Variants in GUCY1A2 observed in about 807,000 individuals in gnomAD.
GUCY1A2 encodes the protein guanylate cyclase soluble subunit alpha-2.
A neutral mutation model predicts 63.5 loss-of-function variants in GUCY1A2; 27 were observed. The ratio of observed to expected loss-of-function variants is 0.43; its 90% CI spans 0.31 to 0.59. The LOEUF (loss-of-function observed/expected upper bound fraction) is 0.59. Among genes scored for constraint, GUCY1A2 ranks in the 20% least tolerant of loss-of-function variants. The probability of loss-of-function intolerance (pLI) is 0.11; values close to 1 mark genes in which losing one functional copy is unlikely to be tolerated. For missense variants in GUCY1A2, 768 were observed against 913.3 expected, an observed-to-expected ratio of 0.84 and a Z score of 2.05; for synonymous variants, 364 against 343.5, an observed-to-expected ratio of 1.06 and a Z score of -0.66.
intron 4 of GUCY1A2, among the ~76,000 whole-genome samples, chr11:106,832,032 TAATTA>T: frequency 6.6e-6 from 1 of 152,324 alleles, no homozygotes; most frequent in African/African-American, 2.4e-5. Flanking sequence ...TGCCATAAAT[TAATTA>T]AAGGCAAGTC....
At chr11:107,000,202 AATAAGTT>A (rs1861594885) in intron 1 of GUCY1A2, among the ~76,000 whole-genome samples, 1 of 152,228 alleles carries the variant, frequency 6.6e-6, no homozygotes, top group African/African-American at 2.4e-5. Flanking sequence ...TTACAATGGC[AATAAGTT>A]AACACAGAAA....
chr11:106,770,390 A>G (rs1447322988), intron 6 of GUCY1A2, among the ~76,000 whole-genome samples: 1 of 152,148 alleles, frequency 6.6e-6, no homozygotes, highest in African/African-American at 2.4e-5. Context: ...TTTGACCCAC[A>G]GTTGGCTGAA....
At chr11:106,799,015 C>A (rs9735012) in intron 5 of GUCY1A2, among the ~76,000 whole-genome samples, 3,169 of 152,256 alleles carry the variant, frequency 0.021, 126 homozygotes, top group East Asian at 0.15. Flanking sequence ...TAGAAAACCC[C>A]ATTGTCTCAG....
chr11:106,827,138 G>A (rs2135434136), intron 4 of GUCY1A2: 2 of 1,479,120 alleles, frequency 1.4e-6, no homozygotes, highest in Non-Finnish European at 9.5e-7. Flanking sequence ...TGAATCTTAT[G>A]AGAAAACTCT....
At chr11:106,843,853 GA>G (rs1859234211) in intron 4 of GUCY1A2, among the ~76,000 whole-genome samples, 1 of 151,550 alleles carries the variant, frequency 6.6e-6, no homozygotes, top group Admixed American at 6.6e-5. Flanking sequence ...ACATTACTTC[GA>G]AAATTGTGAG....
chr11:106,842,393 C>T (rs1859211307), intron 4 of GUCY1A2, among the ~76,000 whole-genome samples: 1 of 151,880 alleles, frequency 6.6e-6, no homozygotes, highest in African/African-American at 2.4e-5. Context: ...ACATAAAGGC[C>T]ACTATGTAGT....
chr11:106,687,605 T>A lies in GUCY1A2; in HGVS notation c.2143A>T (p.Ile715Leu), dbSNP rs989712281. The change falls in exon 8 of 8, where the codon ATA becomes TTA. Residue 715 changes from isoleucine to leucine, a missense_variant. Ile to Leu is a conservative substitution (Grantham distance 5). Transcript: ENST00000526355. The stretch of plus-strand genomic sequence containing the variant: ...CCGATGTTGTAGGAAACCTTTTTTA[T>A]TCTCGACGAAGAAAGAGAAGGCTTT... ...PPKPSLSSSRIKKVSYNIGTM... is the reference protein window; with the variant it reads ...PPKPSLSSSRLKKVSYNIGTM... 2.5e-6 allele frequency: 4 copies of A among 1,613,926 alleles called. No individual in the cohort carries two copies. The African/African-American group carries it at 5.3e-5, about 22-fold the overall frequency.
intron 4 of GUCY1A2, among the ~76,000 whole-genome samples, chr11:106,926,380 G>T (rs1407722890): frequency 5.3e-5 from 8 of 150,684 alleles, no homozygotes; most frequent in African/African-American, 2.0e-4. Flanking sequence ...ATAGGCTGAA[G>T]TAAGCCAGGA....
rs573123185 is a variant in GUCY1A2 at position 106,687,686 on chromosome 11, T to C, written c.2062A>G (p.Lys688Glu). The C allele has an allele frequency of 3.6e-5, 58 of 1,613,248 alleles. No individual in the cohort carries two copies. In the South Asian group the frequency reaches 5.2e-4, roughly 14 times the overall value. The change falls in exon 8 of 8, where the codon AAG (lysine) becomes GAG (glutamate). Residue 688 changes from lysine to glutamate, a missense_variant. By Grantham distance (56) the Lys-to-Glu change is moderately conservative. Coordinates refer to ENST00000526355, the MANE Select transcript of GUCY1A2 (RefSeq NM_000855.3). ...AAATAGCAGATCCCAGGAATTTCCTTTGGAAAGTTGTCTGGAAGCTCTTCA... is the reference window on the plus strand; with the variant it reads ...AAATAGCAGATCCCAGGAATTTCCTCTGGAAAGTTGTCTGGAAGCTCTTCA... Reference protein sequence around the residue: ...SREELPDNFPKEIPGICYFLE... With the variant: ...SREELPDNFPEEIPGICYFLE...
intron 5 of GUCY1A2, among the ~76,000 whole-genome samples, chr11:106,808,270 G>GTA (rs1215493242): frequency 4.0e-4 from 61 of 150,902 alleles, no homozygotes; most frequent in Non-Finnish European, 6.5e-4. Context: ...ATGTGTGTGT[G>GTA]TATATATATA....
chr11:106,797,839 A>G (rs1437815122), intron 5 of GUCY1A2, among the ~76,000 whole-genome samples: 2 of 152,076 alleles, frequency 1.3e-5, no homozygotes, highest in Non-Finnish European at 2.9e-5. Context: ...TTGACACCCT[A>G]CATCACAATG....
rs1862532091 is a variant in GUCY1A2 at position 106,686,705 on chromosome 11, G to T, written c.*844C>A. On this transcript the variant is annotated 3_prime_UTR_variant, in exon 8 of 8. Coordinates refer to ENST00000526355, the MANE Select transcript of GUCY1A2 (RefSeq NM_000855.3). ...TCATTTTAACTGATATTTGTTAGAA[G>T]GTGGCAAAAAGACCTTTCTTTAATC... 4.8e-6 allele frequency: 1 copy of T among 209,376 alleles called. No homozygotes were observed. Among genetic ancestry groups the T allele is most frequent in the South Asian group, 1.9e-4 (1 of 5,310 alleles). The allele number at this position is 209,376 out of a possible 1,614,324, so 13.0% of individuals were successfully genotyped here.
intron 1 of GUCY1A2, among the ~76,000 whole-genome samples, chr11:106,992,117 C>A (rs878974055): frequency 7.2e-5 from 11 of 152,022 alleles, no homozygotes; most frequent in Non-Finnish European, 1.2e-4. Flanking sequence ...TTACTGCACA[C>A]AATATTTAAT....
intron 4 of GUCY1A2, among the ~76,000 whole-genome samples, chr11:106,846,810 C>T (rs1248948564): frequency 6.6e-6 from 1 of 151,424 alleles, no homozygotes; most frequent in Non-Finnish European, 1.5e-5. Flanking sequence ...AGATATAATA[C>T]AGGAACGTTT....
In GUCY1A2 at chr11:106,685,085, TG is replaced by T. The variant is rs1565257093; in HGVS notation, c.*2463del. The T allele has an allele frequency of 4.8e-6, 1 of 207,758 alleles. No homozygotes were observed. 12.9% of individuals were successfully genotyped at this position (207,758 alleles called of 1,614,324 possible). ...ATAGATTAGCAAAATGATAACAAAT[TG>T]GACCATTATCTCGGACTATAGCTGT... On this transcript the variant is annotated 3_prime_UTR_variant, in exon 8 of 8. Transcript: ENST00000526355.
At chr11:106,870,921 C>G (rs562319172) in intron 4 of GUCY1A2, among the ~76,000 whole-genome samples, 3 of 152,242 alleles carry the variant, frequency 2.0e-5, no homozygotes, top group Middle Eastern at 3.4e-3. Flanking sequence ...TTGCTTTCTC[C>G]TAGGACTACA....
intron 6 of GUCY1A2, among the ~76,000 whole-genome samples, chr11:106,749,726 C>T (rs1408777952): frequency 2.0e-5 from 3 of 152,068 alleles, no homozygotes; most frequent in Non-Finnish European, 2.9e-5. Flanking sequence ...GAGGCATGAC[C>T]TTGAAAACGT....
intron 6 of GUCY1A2, among the ~76,000 whole-genome samples, chr11:106,719,056 G>A (rs1822805588): frequency 6.6e-6 from 1 of 152,076 alleles, no homozygotes; most frequent in Admixed American, 6.5e-5. Context: ...ATTTTAGTTA[G>A]TAATAAAGAC....
intron 4 of GUCY1A2, among the ~76,000 whole-genome samples, chr11:106,914,937 G>A (rs147861259): frequency 1.3e-3 from 201 of 152,174 alleles, no homozygotes; most frequent in African/African-American, 4.7e-3. Context: ...ATGCAAGCAA[G>A]AACAGAGTGG....
Sources: gnomAD v4.1 joint callset for allele counts (sites outside exome capture counted in the v4.1 genomes callset) on GRCh38, gnomAD v4.1.1 for gene constraint, MANE v1.5 for transcripts, NCBI Gene and HGNC (gene_info 2026-07-23, HGNC 2026-07-21) for gene names.